CADPS2: variants seen among roughly 807,000 people sequenced by gnomAD.
CADPS2 encodes the protein calcium-dependent secretion activator 2.
A neutral mutation model predicts 172.5 loss-of-function variants in CADPS2; 93 were observed. The ratio of observed to expected loss-of-function variants is 0.54; its 90% confidence interval spans 0.46 to 0.64. The LOEUF (loss-of-function observed/expected upper bound fraction) is 0.64. Ranked by LOEUF, CADPS2 falls within the 30% of genes least tolerant of loss-of-function variation. CADPS2 has a pLI of 0.00. For missense variants in CADPS2, 1,420 were observed against 1,565.9 expected, an observed-to-expected ratio of 0.91 and a Z score of 1.57; for synonymous variants, 546 against 555.2, an observed-to-expected ratio of 0.98 and a Z score of 0.23.
intron 1 of CADPS2, among the ~76,000 whole-genome samples, chr7:122,819,560 G>A (rs983060992): frequency 6.6e-6 from 1 of 152,046 alleles, no homozygotes; most frequent in African/African-American, 2.4e-5. Context: ...CTCCATAACT[G>A]TTGTGGGTAT....
At chr7:122,609,755 G>C (rs779746701) in intron 6 of CADPS2, among the ~76,000 whole-genome samples, 1 of 152,150 alleles carries the variant, frequency 6.6e-6, no homozygotes, top group Non-Finnish European at 1.5e-5. Flanking sequence ...TCTTGATTAA[G>C]TGTATTGGAA....
chr7:122,484,687 T>A (rs1389290374), intron 11 of CADPS2, among the ~76,000 whole-genome samples: 1 of 151,026 alleles, frequency 6.6e-6, no homozygotes, highest in Non-Finnish European at 1.5e-5. Flanking sequence ...TTTCTGAAAG[T>A]CACTATTAAG....
At chr7:122,599,730 A>T (rs893561584) in intron 6 of CADPS2, among the ~76,000 whole-genome samples, 2 of 152,076 alleles carry the variant, frequency 1.3e-5, no homozygotes, top group African/African-American at 4.8e-5. Context: ...ATTCTTTCAC[A>T]GGTTTAGGCC....
At chr7:122,753,739 T>C (rs187175570) in intron 1 of CADPS2, among the ~76,000 whole-genome samples, 1 of 152,288 alleles carries the variant, frequency 6.6e-6, no homozygotes, top group African/African-American at 2.4e-5. Flanking sequence ...ATGACAAATC[T>C]AAAGCAAGCT....
At chr7:122,731,767 A>G (rs2091668520) in intron 2 of CADPS2, among the ~76,000 whole-genome samples, 2 of 151,758 alleles carry the variant, frequency 1.3e-5, no homozygotes, top group Non-Finnish European at 3.0e-5. Context: ...TATAACTGCC[A>G]ACTTTTATTA....
At chr7:122,750,835 G>A (rs1312164531) in intron 1 of CADPS2, among the ~76,000 whole-genome samples, 1 of 152,094 alleles carries the variant, frequency 6.6e-6, no homozygotes, top group Non-Finnish European at 1.5e-5. Flanking sequence ...TAGTTTTAAA[G>A]TTCCTGAGGG....
chr7:122,744,066 T>C lies in CADPS2; in HGVS notation c.340-6998A>G, dbSNP rs148338857. Among the ~76,000 whole-genome samples, 351 of 152,336 alleles carry C rather than the reference T, an allele frequency of 2.3e-3. 6 individuals carry two copies. The highest frequency in any genetic ancestry group is 0.016 in the Admixed American group (241 of 15,294). ...CAGGTTCACTTGATAGGTATAGACA[T>C]GGTCAAATGACCAAGTTAAGACCAA... On this transcript the variant is annotated intron_variant, in intron 1 of 29. Coordinates refer to ENST00000449022, the MANE Select transcript of CADPS2 (RefSeq NM_017954.11).
At chr7:122,550,696 A>T (rs1483807173) in intron 8 of CADPS2, among the ~76,000 whole-genome samples, 3 of 152,202 alleles carry the variant, frequency 2.0e-5, no homozygotes, top group Non-Finnish European at 2.9e-5. Flanking sequence ...TAATACTGTT[A>T]CTTAGCCACT....
intron 9 of CADPS2, among the ~76,000 whole-genome samples, chr7:122,509,515 A>T (rs1009336383): frequency 3.9e-5 from 6 of 152,200 alleles, no homozygotes; most frequent in African/African-American, 1.2e-4. Flanking sequence ...CTTCATGAGC[A>T]CAGGACTCAA....
At chr7:122,685,140 C>T (rs1247785109) in intron 2 of CADPS2, among the ~76,000 whole-genome samples, 2 of 151,966 alleles carry the variant, frequency 1.3e-5, no homozygotes, top group African/African-American at 4.8e-5. Context: ...TGTGAGCGAC[C>T]CAAAGGTATA....
chr7:122,501,874 CAAAAAAAAA>C (rs1173009562), intron 9 of CADPS2, among the ~76,000 whole-genome samples: 2 of 42,200 alleles, frequency 4.7e-5, no homozygotes, highest in African/African-American at 1.7e-4. Context: ...GACTCCGTCT[CAAAAAAAAA>C]AAAAAAAAAA....
chr7:122,512,386 T>C (rs1172092217), intron 9 of CADPS2, among the ~76,000 whole-genome samples: 1 of 152,122 alleles, frequency 6.6e-6, no homozygotes, highest in African/African-American at 2.4e-5. Flanking sequence ...AGAGTGATAC[T>C]CTTTTCATAT....
chr7:122,428,924 T>A (rs983399216), intron 17 of CADPS2, among the ~76,000 whole-genome samples: 1 of 152,136 alleles, frequency 6.6e-6, no homozygotes, highest in African/African-American at 2.4e-5. Context: ...ACAGAATCAT[T>A]TTTGGTAGAA....
At chr7:122,764,222 C>T (rs916984098) in intron 1 of CADPS2, among the ~76,000 whole-genome samples, 6 of 152,072 alleles carry the variant, frequency 3.9e-5, no homozygotes, top group South Asian at 2.1e-4. Flanking sequence ...GACCCTCTTA[C>T]GTGTTCCTAC....
In CADPS2 at chr7:122,418,363, G is replaced by T. The variant is rs1043721751; in HGVS notation, c.2477-2199C>A. Among the ~76,000 whole-genome samples, 9 of 152,260 alleles carry T rather than the reference G, an allele frequency of 5.9e-5. No homozygotes were observed. The South Asian group carries it at 1.9e-3, about 32-fold the overall frequency. Reference sequence around the variant, plus strand: ...AGCAGTGAAGGTGAGACTTGAACACGTGGGCTCTTGTACTTGCCTGGCTGG... The same window carrying T: ...AGCAGTGAAGGTGAGACTTGAACACTTGGGCTCTTGTACTTGCCTGGCTGG... On this transcript the variant is annotated intron_variant, in intron 17 of 29. Coordinates refer to ENST00000449022, the MANE Select transcript of CADPS2 (RefSeq NM_017954.11).
intron 2 of CADPS2, among the ~76,000 whole-genome samples, chr7:122,675,406 A>T (rs2082284528): frequency 6.6e-6 from 1 of 152,208 alleles, no homozygotes; most frequent in Non-Finnish European, 1.5e-5. Context: ...AAAACTCTAA[A>T]GTGATGTTCT....
chr7:122,394,356 C>T (rs1354294401), intron 20 of CADPS2, among the ~76,000 whole-genome samples: 1 of 151,930 alleles, frequency 6.6e-6, no homozygotes, highest in Non-Finnish European at 1.5e-5. Flanking sequence ...GAGTATATGC[C>T]TAAGTTTCAC....
At chr7:122,491,238 G>C in intron 10 of CADPS2, 74 bp downstream of exon 10, 2 of 946,068 alleles carry the variant, frequency 2.1e-6, no homozygotes, top group Admixed American at 2.7e-5. Context: ...TTAAATTGTA[G>C]AACAGACAAA....
chr7:122,437,574 C>T (rs937151292), intron 17 of CADPS2, among the ~76,000 whole-genome samples: 1 of 151,874 alleles, frequency 6.6e-6, no homozygotes, highest in Non-Finnish European at 1.5e-5. Flanking sequence ...AAGTATTTAA[C>T]ATTAACTGCA....
Sources: gnomAD v4.1 joint callset for allele counts (sites outside exome capture counted in the v4.1 genomes callset) on GRCh38, gnomAD v4.1.1 for gene constraint, MANE v1.5 for transcripts, NCBI Gene and HGNC (gene_info 2026-07-23, HGNC 2026-07-21) for gene names.